The following GLB1 variants were observed in gnomAD, a reference collection of about 807,000 sequenced individuals.
GLB1 encodes the protein galactosidase beta 1.
A neutral mutation model predicts 74.0 loss-of-function variants in GLB1; 56 were observed. The observed-to-expected ratio is 0.76, with a 90% CI of 0.61 to 0.94. The LOEUF is 0.94. Ranked by LOEUF, GLB1 falls within the 40% of genes least tolerant of loss-of-function variation. The pLI, the probability that GLB1 is intolerant of heterozygous loss-of-function variation, is 0.00. For missense variants in GLB1, 787 were observed against 845.5 expected (o/e 0.93, Z 0.86); for synonymous variants, 323 against 323.6 (o/e 1.00, Z 0.02).
At chr3:33,067,036 CTT>C (rs1436379185) in intron 4 of GLB1, among the ~76,000 whole-genome samples, 1 of 138,008 alleles carries the variant, frequency 7.2e-6, no homozygotes, top group African/African-American at 2.6e-5. Context: ...GAGTTTCGCT[CTT>C]GTTGCCCAGG....
chr3:33,094,520 A>G (rs1430957968), intron 1 of GLB1, among the ~76,000 whole-genome samples: 2 of 152,256 alleles, frequency 1.3e-5, no homozygotes, highest in African/African-American at 4.8e-5. Flanking sequence ...CTATACGTTT[A>G]AAGTTTCTCT....
chr3:32,973,615 G>A, the GLB1 span, among the ~76,000 whole-genome samples: 3 of 151,914 alleles, frequency 2.0e-5, no homozygotes, highest in African/African-American at 7.3e-5. Flanking sequence ...CAAAGTGCTG[G>A]GATTACAGGC....
At chr3:33,084,157 T>C (rs771308841) in intron 1 of GLB1, among the ~76,000 whole-genome samples, 1 of 152,138 alleles carries the variant, frequency 6.6e-6, no homozygotes, top group African/African-American at 2.4e-5. Context: ...ACACGAGCTG[T>C]TCAGCTCCAG....
At chr3:32,966,202 T>G in the GLB1 span, among the ~76,000 whole-genome samples, 7 of 152,286 alleles carry the variant, frequency 4.6e-5, no homozygotes, top group South Asian at 1.0e-3. Flanking sequence ...CTGCAGACAG[T>G]GTCAGCCCGT....
intron 10 of GLB1, chr3:33,034,473 A>G (rs1287911241): frequency 1.4e-6 from 1 of 731,402 alleles, no homozygotes; most frequent in Non-Finnish European, 2.5e-6. Context: ...AGCTGGAAGC[A>G]CAGTGACTGG....
intron 15 of GLB1, among the ~76,000 whole-genome samples, chr3:33,009,515 T>G (rs1314478075): frequency 2.0e-5 from 3 of 151,524 alleles, no homozygotes; most frequent in African/African-American, 7.2e-5. Flanking sequence ...AGAGCAAGAC[T>G]GTCTCAAAAA....
chr3:32,967,801 C>T, the GLB1 span, among the ~76,000 whole-genome samples: 2 of 152,250 alleles, frequency 1.3e-5, no homozygotes, highest in South Asian at 2.1e-4. Flanking sequence ...GGGGGAGTTT[C>T]ACCTGGATGG....
chr3:32,989,489 A>C, the GLB1 span, among the ~76,000 whole-genome samples: 1 of 152,136 alleles, frequency 6.6e-6, no homozygotes, highest in Admixed American at 6.5e-5. Context: ...CAGCCTTGTG[A>C]ATAAGTCATC....
At chr3:33,032,570 AC>A (rs1183414738) in intron 10 of GLB1, among the ~76,000 whole-genome samples, 1 of 141,906 alleles carries the variant, frequency 7.0e-6, no homozygotes, top group Non-Finnish European at 1.6e-5. Flanking sequence ...CCTCCTGAAC[AC>A]TTTTCTTTCC....
intron 10 of GLB1, among the ~76,000 whole-genome samples, chr3:33,029,168 G>T (rs1367220107): frequency 6.6e-6 from 1 of 151,986 alleles, no homozygotes; most frequent in Non-Finnish European, 1.5e-5. Context: ...TAATGTTTCA[G>T]AAAAGAAATG....
intron 9 of GLB1, among the ~76,000 whole-genome samples, chr3:33,047,955 A>C (rs1037587137): frequency 7.5e-6 from 1 of 132,978 alleles, no homozygotes; most frequent in Non-Finnish European, 1.6e-5. Flanking sequence ...AGACACAAAG[A>C]AAAAAAAAAA....
At chr3:33,033,845 AG>A (rs1361529093) in intron 10 of GLB1, 2 of 438,478 alleles carry the variant, frequency 4.6e-6, no homozygotes, top group Non-Finnish European at 4.5e-6. Context: ...ACGTCCCTAG[AG>A]CAGTCACGCT....
chr3:33,021,826 C>CATCT (rs1384322685), intron 11 of GLB1, among the ~76,000 whole-genome samples, 171 bp from the exon 12 acceptor site: 3 of 152,198 alleles, frequency 2.0e-5, no homozygotes, highest in African/African-American at 7.2e-5. Context: ...CAGTCCTCTC[C>CATCT]ATCTACTCCC....
chr3:33,002,717 GT>G (rs1380777627), intron 15 of GLB1, among the ~76,000 whole-genome samples: 1 of 152,108 alleles, frequency 6.6e-6, no homozygotes, highest in Non-Finnish European at 1.5e-5. Context: ...TCTCACTACT[GT>G]TTTAAGTTGT....
At chr3:32,992,605 G>A (rs1343033549), downstream of GLB1, among the ~76,000 whole-genome samples, 1 of 152,208 alleles carries the variant, frequency 6.6e-6, no homozygotes, top group African/African-American at 2.4e-5. Context: ...TCCCTTGCCC[G>A]AGACCATGCT....
At chr3:33,012,886 A>T (rs1697087627) in intron 15 of GLB1, among the ~76,000 whole-genome samples, 1 of 152,134 alleles carries the variant, frequency 6.6e-6, no homozygotes, top group Non-Finnish European at 1.5e-5. Context: ...AGATACCACC[A>T]TCCCAGTTTC....
At chr3:33,074,385 G>GAAAGAAAAAGAAAGAAAGA (rs1338351259) in intron 1 of GLB1, among the ~76,000 whole-genome samples, 1 of 19,854 alleles carries the variant, frequency 5.0e-5, no homozygotes, top group African/African-American at 1.6e-4. Flanking sequence ...AGGAAGGAAG[G>GAAAGAAAAAGAAAGAAAGA]AAGGAAGAAA....
In GLB1 at chr3:33,016,691, C is replaced by T; in HGVS notation, c.1479+18G>A. ...GTCACCCCTTAAACCTTAGTCTTGA[C>T]AGTGTGGTTTGTCCTACCTTAAAAT... On this transcript the variant is annotated intron_variant, in intron 14 of 15. Transcript: ENST00000307363. The T allele has an allele frequency of 1.9e-6, 3 of 1,613,316 alleles. No individual in the cohort carries two copies. The East Asian group carries it at 6.7e-5, about 36-fold the overall frequency.
the GLB1 span, among the ~76,000 whole-genome samples, chr3:32,974,140 T>A: frequency 6.6e-6 from 1 of 152,180 alleles, no homozygotes; most frequent in African/African-American, 2.4e-5. Flanking sequence ...CAACTAGAAC[T>A]GTGGTATGCG....
Sources: gnomAD v4.1 joint callset for allele counts (sites outside exome capture counted in the v4.1 genomes callset) on GRCh38, gnomAD v4.1.1 for gene constraint, MANE v1.5 for transcripts, NCBI Gene and HGNC (gene_info 2026-07-23, HGNC 2026-07-21) for gene names.